Variants in LRCH3 observed in about 807,000 individuals in gnomAD.
LRCH3 encodes the protein leucine rich repeats and calponin homology domain containing 3, also known as DISP complex protein LRCH3.
LRCH3 carries 68 observed loss-of-function variants against 104.5 expected under a neutral mutation model. The ratio of observed to expected loss-of-function variants is 0.65; its 90% CI spans 0.54 to 0.80. The LOEUF (loss-of-function observed/expected upper bound fraction) is 0.80. LRCH3 is among the 30% of genes least tolerant of loss of function. The pLI is 0.00. For synonymous variants in LRCH3, 344 were observed against 361.3 expected, an observed-to-expected ratio of 0.95 and a Z score of 0.54; for missense variants, 951 against 953.9, an observed-to-expected ratio of 1.00 and a Z score of 0.04.
rs552445585 is a variant in LRCH3 at position 197,866,135 on chromosome 3, T to G, written c.1789T>G (p.Phe597Val). The change falls in exon 17 of 21, where the codon TTT becomes GTT. Residue 597 changes from phenylalanine (F) to valine (V), a missense_variant. By Grantham distance (50) the Phe-to-Val change is conservative (BLOSUM62 -1). Transcript: ENST00000425562. The stretch of plus-strand genomic sequence containing the variant: ...AGTTCATCATTCCCCTGCATATTCT[T>G]TTCCTGCTGCTATCCAGAGAAATCA... ...ETVHHSPAYS[F>V]PAAIQRNQPQ... is the part of the protein sequence containing the mutation. 1.2e-6 allele frequency: 2 copies of G among 1,613,916 alleles called. No individual in the cohort carries two copies. Among genetic ancestry groups the G allele is most frequent in the Non-Finnish European group, 1.7e-6 (2 of 1,179,766 alleles).
rs1262040204 is a variant in LRCH3 at position 197,856,628 on chromosome 3, C to T, written c.1644+2183C>T. ...TCTCTAACTCCAGGGCTCAAGCAATCCTCCTGCCCCAGCCTCCCAAAGTGC... is the reference window on the plus strand; with the variant it reads ...TCTCTAACTCCAGGGCTCAAGCAATTCTCCTGCCCCAGCCTCCCAAAGTGC... On this transcript the variant is annotated intron_variant, in intron 14 of 20. Transcript: ENST00000425562. The surrounding 1 kb of genome is among the most constrained non-coding windows in gnomAD (Gnocchi z 4.2). Among the ~76,000 whole-genome samples the T allele has an allele frequency of 2.0e-5, 3 of 152,092 alleles. No homozygotes were observed. The highest frequency in any genetic ancestry group is 4.4e-5 in the Non-Finnish European group (3 of 68,006).
Position 197,847,989 on chromosome 3 carries a change from A to T in LRCH3, c.1498A>T (p.Ile500Phe). Residue 500 changes from isoleucine to phenylalanine, a missense_variant, in exon 12 of 21, where the codon ATC becomes TTC. Ile to Phe is a conservative substitution (Grantham distance 21). Coordinates refer to ENST00000425562, the MANE Select transcript of LRCH3 (RefSeq NM_001365715.1). ...GGAGGAGAAAATAAGGACCAAGCAG[A>T]TCCAGAGAGATGCTGTCCTGGACTT... ...YEEEKIRTKQ[I>F]QRDAVLDFVK... 1 of 1,614,160 alleles carries T rather than the reference A, an allele frequency of 6.2e-7. No homozygotes were observed. Among genetic ancestry groups the T allele is most frequent in the Non-Finnish European group, 8.5e-7 (1 of 1,180,030 alleles).
intron 15 of LRCH3, among the ~76,000 whole-genome samples, chr3:197,864,062 T>G (rs1741178336): frequency 6.6e-6 from 1 of 152,154 alleles, no homozygotes; most frequent in Non-Finnish European, 1.5e-5. Context: ...TCCCAGCACT[T>G]TGGGAGGTCG....
chr3:197,867,436 G>A (rs1210842235), intron 17 of LRCH3, among the ~76,000 whole-genome samples: 1 of 151,942 alleles, frequency 6.6e-6, no homozygotes, highest in Non-Finnish European at 1.5e-5. Context: ...TAAAAAATAG[G>A]CCAGGCGTGG....
intron 18 of LRCH3, among the ~76,000 whole-genome samples, chr3:197,870,655 C>T (rs1037963070): frequency 2.0e-5 from 3 of 151,960 alleles, no homozygotes; most frequent in Non-Finnish European, 2.9e-5. Flanking sequence ...CGTGAGCTTC[C>T]GCGCCCGGCT....
chr3:197,792,602 TATAAA>T (rs1342388366), intron 1 of LRCH3, among the ~76,000 whole-genome samples: 1 of 85,352 alleles, frequency 1.2e-5, no homozygotes, highest in East Asian at 4.0e-4. Context: ...TATATATATA[TATAAA>T]ATATACATAT....
intron 1 of LRCH3, among the ~76,000 whole-genome samples, chr3:197,811,750 C>T (rs1733148241): frequency 1.3e-5 from 2 of 152,144 alleles, no homozygotes; most frequent in Admixed American, 6.5e-5. Context: ...ATTTTTCTCC[C>T]TGGCAGAGAG....
intron 1 of LRCH3, among the ~76,000 whole-genome samples, chr3:197,803,945 T>G (rs1580554426): frequency 6.6e-6 from 1 of 152,246 alleles, no homozygotes; most frequent in East Asian, 1.9e-4. Flanking sequence ...ATTGAATACT[T>G]TCAACATCAG....
rs569334140 is a variant in LRCH3, at chr3:197,874,692, T to C, written c.2131-1006T>C. Among the ~76,000 whole-genome samples, 14 of 151,602 alleles carry C rather than the reference T, an allele frequency of 9.2e-5. No individual in the cohort carries two copies. The East Asian group carries it at 2.5e-3, about 27-fold the overall frequency. On this transcript the variant is annotated intron_variant, in intron 19 of 20. Transcript: ENST00000425562. The stretch of plus-strand genomic sequence containing the variant: ...GAGGACTGCTGCCTTAGTGTTACAC[T>C]GTTTTAAAATGGAAAAAAAAAGTTT...
intron 19 of LRCH3, among the ~76,000 whole-genome samples, chr3:197,872,681 A>AC (rs1712359236): frequency 1.3e-5 from 2 of 152,222 alleles, no homozygotes; most frequent in East Asian, 3.9e-4. Context: ...ACATGGTGAA[A>AC]CCCCAACTCT....
chr3:197,862,457 C>T (rs1327969533), intron 15 of LRCH3, among the ~76,000 whole-genome samples: 2 of 152,040 alleles, frequency 1.3e-5, no homozygotes, highest in Non-Finnish European at 2.9e-5. Flanking sequence ...TTTTAAATTT[C>T]TAGTCTATGT....
intron 8 of LRCH3, among the ~76,000 whole-genome samples, chr3:197,832,714 T>C (rs1205488557): frequency 6.6e-6 from 1 of 151,948 alleles, no homozygotes; most frequent in Non-Finnish European, 1.5e-5. Context: ...GTGTTTACCT[T>C]TTCTTCACCT....
intron 14 of LRCH3, among the ~76,000 whole-genome samples, chr3:197,855,931 CTG>C (rs1416979314): frequency 6.6e-6 from 1 of 152,302 alleles, no homozygotes; most frequent in South Asian, 2.1e-4. Context: ...ATTATCAAAA[CTG>C]TGCTTCAGAA....
chr3:197,832,331 C>A lies in LRCH3; in HGVS notation c.1102+14C>A, dbSNP rs373980523. ...CAAACGGCGGAGGTAAACATAATTC[C>A]GGTGACAGCTAAAGTGTTTGCAACC... is the stretch of plus-strand genomic sequence containing the variant. On this transcript the variant is annotated intron_variant, in intron 8 of 20. Coordinates refer to ENST00000425562, the MANE Select transcript of LRCH3 (RefSeq NM_001365715.1). 5 of 1,611,574 alleles carry A rather than the reference C, an allele frequency of 3.1e-6. No individual in the cohort carries two copies. The African/African-American group carries it at 5.3e-5, about 17-fold the overall frequency.
chr3:197,832,746 A>G (rs1447606150), intron 8 of LRCH3, among the ~76,000 whole-genome samples: 2 of 151,550 alleles, frequency 1.3e-5, no homozygotes, highest in Admixed American at 6.6e-5. Flanking sequence ...ATGCTCTTCA[A>G]AGTCATCTGA....
In LRCH3 at chr3:197,810,154, A is replaced by T. The variant is rs1253250597; in HGVS notation, c.263-4754A>T. 1.3e-5 allele frequency among the ~76,000 whole-genome samples: 2 copies of T among 151,832 alleles called. No individual in the cohort carries two copies. The highest frequency in any genetic ancestry group is 4.8e-5 in the African/African-American group (2 of 41,328). ...CTAAGCTACCCTTTCCTGGTGCTTT[A>T]TTATTATTTTGTTATTTTTATTTTT... On this transcript the variant is annotated intron_variant, in intron 1 of 20. Coordinates refer to ENST00000425562, the MANE Select transcript of LRCH3 (RefSeq NM_001365715.1). This position sits in a 1 kb window ranked among gnomAD's most constrained non-coding sequence, Gnocchi z 4.0.
chr3:197,875,790 A>AT lies in LRCH3; in HGVS notation c.2208+21dup, dbSNP rs1712820701. On this transcript the variant is annotated intron_variant, in intron 20 of 20. Coordinates refer to ENST00000425562, the MANE Select transcript of LRCH3 (RefSeq NM_001365715.1). ...GTGTACCTCAGGTAATAAATTTATC[A>AT]TTTTTTATGTTGCCTAAATAGACTT... The AT allele has an allele frequency of 6.7e-7, 1 of 1,484,434 alleles. No homozygotes were observed. The allele number at this position is 1,484,434 out of a possible 1,614,324, so 92.0% of individuals were successfully genotyped here. A position where few individuals can be genotyped will look rare whatever the true frequency, so the allele number is the denominator to read the frequency against.
At position 197,803,374 on chromosome 3, in the gene LRCH3, G is replaced by A. The variant is rs144482219; in HGVS notation, c.263-11534G>A. Among the ~76,000 whole-genome samples, 11 of 152,256 alleles carry A rather than the reference G, an allele frequency of 7.2e-5. No homozygotes were observed. In the East Asian group the frequency reaches 1.9e-3, roughly 27 times the overall value. The stretch of plus-strand genomic sequence containing the variant: ...ACCTGGGGCTCTTTTTAAAAAATAC[G>A]CATCCCTGGGTGAGATTACTAGAGA... On this transcript the variant is annotated intron_variant, in intron 1 of 20. Transcript: ENST00000425562.
At position 197,827,032 on chromosome 3, in the gene LRCH3, C is replaced by T. The variant is rs773060976; in HGVS notation, c.777+18C>T. Reference sequence around the variant, plus strand: ...CTGCACAGGTAAACCATAGTGGAAGCATCAGGTAAACCATGGTGGAAGCAT... The same window carrying T: ...CTGCACAGGTAAACCATAGTGGAAGTATCAGGTAAACCATGGTGGAAGCAT... On this transcript the variant is annotated intron_variant, in intron 5 of 20. Coordinates refer to ENST00000425562, the MANE Select transcript of LRCH3 (RefSeq NM_001365715.1). The T allele has an allele frequency of 1.1e-5, 17 of 1,554,992 alleles. No homozygotes were observed. Among genetic ancestry groups the T allele is most frequent in the Non-Finnish European group, 1.5e-5 (17 of 1,156,048 alleles).
Sources: gnomAD v4.1 joint callset for allele counts (sites outside exome capture counted in the v4.1 genomes callset) on GRCh38, gnomAD v4.1.1 for gene constraint, Gnocchi (gnomAD v3.1) non-coding constraint, MANE v1.5 for transcripts, NCBI Gene and HGNC (gene_info 2026-07-23, HGNC 2026-07-21) for gene names.